The following EIPR1 variants were observed in gnomAD, a reference collection of about 807,000 sequenced individuals.
The protein encoded by EIPR1 is EARP complex and GARP complex interacting protein 1.
EIPR1 carries 25 observed loss-of-function variants against 48.1 expected under a neutral mutation model. The observed-to-expected ratio is 0.52, with a 90% confidence interval of 0.38 to 0.73. The LOEUF is 0.73. Among genes scored for constraint, EIPR1 ranks in the 30% least tolerant of loss-of-function variants. The pLI is 0.00. For missense variants in EIPR1, 415 were observed against 506.2 expected (o/e 0.82, Z 1.73); for synonymous variants, 204 against 201.9 (o/e 1.01, Z -0.09).
intron 4 of EIPR1, among the ~76,000 whole-genome samples, chr2:3,220,771 A>C (rs915759653): frequency 2.7e-5 from 4 of 150,588 alleles, no homozygotes; most frequent in African/African-American, 9.8e-5. Context: ...GGTACACTCT[A>C]GAACATTCAC....
At chr2:3,240,270 G>A (rs1011012506) in intron 4 of EIPR1, among the ~76,000 whole-genome samples, 2,651 of 16,032 alleles carry the variant, frequency 0.17, 1 homozygote, top group East Asian at 0.24. Flanking sequence ...CTCTTCCTCA[G>A]GAACAGCCAG....
intron 5 of EIPR1, chr2:3,208,188 T>C (rs1395691953): frequency 8.8e-6 from 2 of 227,730 alleles, no homozygotes; most frequent in Non-Finnish European, 1.7e-5. Flanking sequence ...TACCAGATTT[T>C]GTTCCAATTA....
chr2:3,283,229 G>C (rs1668068966), intron 3 of EIPR1, among the ~76,000 whole-genome samples: 1 of 152,082 alleles, frequency 6.6e-6, no homozygotes, highest in South Asian at 2.1e-4. Context: ...ATCCTAAGAG[G>C]GTCCATGCAG....
chr2:3,243,081 T>C (rs1214776185), intron 4 of EIPR1, among the ~76,000 whole-genome samples: 1 of 152,196 alleles, frequency 6.6e-6, no homozygotes, highest in Non-Finnish European at 1.5e-5. Flanking sequence ...TGACACTGGG[T>C]AACTCAGTTA....
At chr2:3,272,232 T>C (rs1024444326) in intron 3 of EIPR1, among the ~76,000 whole-genome samples, 2 of 152,238 alleles carry the variant, frequency 1.3e-5, no homozygotes, top group African/African-American at 4.8e-5. Context: ...ATTTTCTCCA[T>C]TATCAGCAAG....
Position 3,296,491 on chromosome 2 carries a change from C to A in EIPR1, c.260-39036G>T, listed in dbSNP as rs1668602559. Among the ~76,000 whole-genome samples the A allele has an allele frequency of 3.1e-5, 4 of 128,946 alleles. No individual in the cohort carries two copies. In the South Asian group the frequency reaches 8.4e-4, roughly 27 times the overall value. 84.6% of individuals were successfully genotyped at this position (128,946 alleles called of 152,430 possible). On this transcript the variant is annotated intron_variant, in intron 3 of 8. Transcript: ENST00000382125. ...ACACCCTCCATCCAACCCATCCTCT[C>A]CACACACACCCTCCAACCAGCCCAT...
intron 1 of EIPR1, among the ~76,000 whole-genome samples, chr2:3,366,001 C>T (rs71396981): frequency 0.072 from 10,012 of 140,010 alleles, 346 homozygotes; most frequent in African/African-American, 0.077. Context: ...CCACCCCGTC[C>T]GAGAGAAAAA....
chr2:3,332,652 GCA>G lies in EIPR1; in HGVS notation c.259+5363_259+5364del, dbSNP rs777570545. Among the ~76,000 whole-genome samples, 17 of 152,308 alleles carry G rather than the reference GCA, an allele frequency of 1.1e-4. No individual in the cohort carries two copies. In the East Asian group the frequency reaches 1.3e-3, roughly 12 times the overall value. ...CCTGTCGAGACAGCTTCTACCCTGG[GCA>G]CAGTCCCTCATTTTGCTTTCATGGA... On this transcript the variant is annotated intron_variant, in intron 3 of 8. Coordinates refer to ENST00000382125, the MANE Select transcript of EIPR1 (RefSeq NM_003310.5).
Position 3,286,499 on chromosome 2 carries a change from C to G in EIPR1, c.260-29044G>C, listed in dbSNP as rs1451582787. Reference sequence around the variant, plus strand: ...TGGGAAGACCGAGAGGTGAGGGACACTTGGTGTCCGTGACAGGGAAAGGCT... The same window carrying G: ...TGGGAAGACCGAGAGGTGAGGGACAGTTGGTGTCCGTGACAGGGAAAGGCT... On this transcript the variant is annotated intron_variant, in intron 3 of 8. Coordinates refer to ENST00000382125, the MANE Select transcript of EIPR1 (RefSeq NM_003310.5). The surrounding 1 kb of genome is among the most constrained non-coding windows in gnomAD (Gnocchi z 4.2). Among the ~76,000 whole-genome samples the G allele has an allele frequency of 6.6e-6, 1 of 152,228 alleles. No homozygotes were observed. The highest frequency in any genetic ancestry group is 2.4e-5 in the African/African-American group (1 of 41,464).
intron 3 of EIPR1, chr2:3,320,253 G>A: frequency 5.7e-6 from 1 of 176,522 alleles, no homozygotes; most frequent in Non-Finnish European, 1.2e-5. Flanking sequence ...CCTGCAGGCA[G>A]GGCAACACCA....
At chr2:3,260,170 ACT>A (rs1274320702) in intron 3 of EIPR1, among the ~76,000 whole-genome samples, 1 of 152,168 alleles carries the variant, frequency 6.6e-6, no homozygotes, top group Non-Finnish European at 1.5e-5. Context: ...AAAATGAAAA[ACT>A]CTGCTTTCAG....
chr2:3,342,312 T>A (rs1051989604), intron 2 of EIPR1, among the ~76,000 whole-genome samples: 1 of 152,264 alleles, frequency 6.6e-6, no homozygotes, highest in Non-Finnish European at 1.5e-5. Flanking sequence ...CAAGGTGATA[T>A]AGCAAATTAG....
At chr2:3,259,163 T>C (rs1307029255) in intron 3 of EIPR1, among the ~76,000 whole-genome samples, 2 of 152,280 alleles carry the variant, frequency 1.3e-5, no homozygotes, top group East Asian at 1.9e-4. Flanking sequence ...TTACAAGTTA[T>C]AGAACTAATA....
chr2:3,220,520 T>TGC (rs1321042714), intron 4 of EIPR1, among the ~76,000 whole-genome samples: 3 of 151,658 alleles, frequency 2.0e-5, no homozygotes, highest in Non-Finnish European at 4.4e-5. Flanking sequence ...TAGAGTCAGG[T>TGC]GCACACACAC....
At chr2:3,262,365 C>A (rs568789347) in intron 3 of EIPR1, among the ~76,000 whole-genome samples, 2 of 152,224 alleles carry the variant, frequency 1.3e-5, no homozygotes, top group Non-Finnish European at 2.9e-5. Context: ...GCAGGAAACA[C>A]AAGCTATGGC....
At chr2:3,317,994 G>A (rs2103319718) in intron 3 of EIPR1, among the ~76,000 whole-genome samples, 1 of 152,374 alleles carries the variant, frequency 6.6e-6, no homozygotes, top group South Asian at 2.1e-4. Flanking sequence ...CACGGGCTCA[G>A]CACCTGCCTA....
intron 6 of EIPR1, among the ~76,000 whole-genome samples, chr2:3,195,190 A>G (rs1314678365): frequency 6.6e-6 from 1 of 152,252 alleles, no homozygotes; most frequent in Non-Finnish European, 1.5e-5. Context: ...GAGGCTGGAC[A>G]GTGGCTTGGA....
chr2:3,234,921 T>A (rs1666353516), intron 4 of EIPR1, among the ~76,000 whole-genome samples: 1 of 152,264 alleles, frequency 6.6e-6, no homozygotes, highest in Non-Finnish European at 1.5e-5. Context: ...CCCGGGCCTG[T>A]GGCCACATCC....
At position 3,312,562 on chromosome 2, in the gene EIPR1, G is replaced by C. The variant is rs997518999; in HGVS notation, c.259+25455C>G. 2.0e-5 allele frequency among the ~76,000 whole-genome samples: 3 copies of C among 152,158 alleles called. No individual in the cohort carries two copies. The highest frequency in any genetic ancestry group is 2.0e-4 in the Admixed American group (3 of 15,284). On this transcript the variant is annotated intron_variant, in intron 3 of 8. Transcript: ENST00000382125. The surrounding 1 kb of genome is among the most constrained non-coding windows in gnomAD (Gnocchi z 5.5). Reference sequence around the variant, plus strand: ...CACCACTCAGCACCTGCTCATCATTGTCAGCATGTTTCTGGTCTCTTAAAA... The same window carrying C: ...CACCACTCAGCACCTGCTCATCATTCTCAGCATGTTTCTGGTCTCTTAAAA...
Sources: allele counts gnomAD v4.1 joint callset (sites outside exome capture counted in the v4.1 genomes callset), GRCh38; gene constraint gnomAD v4.1.1; non-coding constraint Gnocchi (gnomAD v3.1); transcripts MANE v1.5; gene names NCBI Gene and HGNC (gene_info 2026-07-23, HGNC 2026-07-21).